The following APOL6 variants were observed in gnomAD, a reference collection of about 807,000 sequenced individuals.
APOL6 encodes apolipoprotein L, 6.
In APOL6, 1 loss-of-function variant was observed where a neutral mutation model predicts 2.4. The observed-to-expected ratio is 0.41, with a 90% CI of 0.15 to 1.94. The LOEUF is 1.94. Among genes scored for constraint, APOL6 ranks in the 30% most tolerant of loss-of-function variants. The pLI is 0.30. For missense variants in APOL6, 438 were observed against 429.2 expected, an observed-to-expected ratio of 1.02 and a Z score of -0.18; for synonymous variants, 189 against 169.3, an observed-to-expected ratio of 1.12 and a Z score of -0.90.
At position 35,668,178 on chromosome 22, in the gene APOL6, G is replaced by T. The variant is rs1270740425; in HGVS notation, c.*8582G>T. ...TCAACCAATTGCCAATCAGAAAATT[G>T]TTATATCTACCTATAATCTAGAAGC... On this transcript the variant is annotated 3_prime_UTR_variant, in exon 3 of 3. Coordinates refer to ENST00000409652, the MANE Select transcript of APOL6 (RefSeq NM_030641.4). 1 of 152,114 alleles carries T rather than the reference G, an allele frequency of 6.6e-6. No homozygotes were observed. Among genetic ancestry groups the T allele is most frequent in the Admixed American group, 6.5e-5 (1 of 15,276 alleles). The allele number at this position is 152,114 out of a possible 1,614,324, so 9.4% of individuals were successfully genotyped here.
In APOL6 at chr22:35,659,156, G is replaced by C; in HGVS notation, c.592G>C (p.Ala198Pro). The change falls in exon 3 of 3, where the codon GCC (alanine) becomes CCC (proline). Residue 198 changes from alanine (A) to proline (P), a missense_variant. Transcript: ENST00000409652. The part of the protein sequence containing the change: ...FWKLRANPRL[A>P]NATKRLLTTG... ...GAAACTCAGAGCCAACCCACGCTTG[G>C]CCAATGCTACCAAGCGTCTTCTGAC... 6.2e-7 allele frequency: 1 copy of C among 1,614,166 alleles called. No individual in the cohort carries two copies. Among genetic ancestry groups the C allele is most frequent in the Non-Finnish European group, 8.5e-7 (1 of 1,180,032 alleles).
chr22:35,649,050 T>C (rs1329022976), intron 1 of APOL6, among the ~76,000 whole-genome samples: 2 of 152,196 alleles, frequency 1.3e-5, no homozygotes, highest in East Asian at 3.8e-4. Flanking sequence ...GTGAGTTGTC[T>C]AGAAACTGCA....
intron 1 of APOL6, among the ~76,000 whole-genome samples, chr22:35,651,942 T>G (rs1253335744): frequency 6.6e-6 from 1 of 152,246 alleles, no homozygotes; most frequent in East Asian, 1.9e-4. Flanking sequence ...CAAATGGTAT[T>G]TCTAGTTCTA....
intron 1 of APOL6, among the ~76,000 whole-genome samples, chr22:35,653,156 G>A (rs950364921): frequency 1.3e-5 from 2 of 151,656 alleles, no homozygotes; most frequent in Non-Finnish European, 2.9e-5. Context: ...TCTCTTTGAA[G>A]CAATTGTGAA....
Position 35,662,462 on chromosome 22 carries a change from C to A in APOL6, c.*2866C>A, listed in dbSNP as rs891061610. 6.6e-6 allele frequency: 1 copy of A among 152,204 alleles called. No homozygotes were observed. The highest frequency in any genetic ancestry group is 2.4e-5 in the African/African-American group (1 of 41,452). 9.4% of individuals were successfully genotyped at this position (152,204 alleles called of 1,614,324 possible). A position where few individuals can be genotyped will look rare whatever the true frequency, so the allele number is the denominator to read the frequency against. ...ACTGAGATAGATACATATCTGATTG[C>A]CTCCTTTGGAAAGGCTAATCAGAAA... On this transcript the variant is annotated 3_prime_UTR_variant, in exon 3 of 3. Transcript: ENST00000409652.
rs1306975095 is a variant in APOL6, at chr22:35,666,514, A to C, written c.*6918A>C. ...GGTCTTGAACTCCTGACCTCAGGTG[A>C]TCAGCCCACCTTGGCCTCTCAAAGT... On this transcript the variant is annotated 3_prime_UTR_variant, in exon 3 of 3. Coordinates refer to ENST00000409652, the MANE Select transcript of APOL6 (RefSeq NM_030641.4). 1 of 152,172 alleles carries C rather than the reference A, an allele frequency of 6.6e-6. No individual in the cohort carries two copies. The highest frequency in any genetic ancestry group is 1.5e-5 in the Non-Finnish European group (1 of 68,070). 9.4% of individuals were successfully genotyped at this position (152,172 alleles called of 1,614,324 possible).
rs1925041015 is a variant in APOL6, at chr22:35,662,023, T to G, written c.*2427T>G. 6.6e-6 allele frequency: 1 copy of G among 152,160 alleles called. No individual in the cohort carries two copies. Among genetic ancestry groups the G allele is most frequent in the African/African-American group, 2.4e-5 (1 of 41,436 alleles). 9.4% of individuals were successfully genotyped at this position (152,160 alleles called of 1,614,324 possible). A position where few individuals can be genotyped will look rare whatever the true frequency, so the allele number is the denominator to read the frequency against. ...TGCTGTCTTGAGCAACTTTTAATTA[T>G]TCTCCTGTCCTGCAATATGAGTTAA... On this transcript the variant is annotated 3_prime_UTR_variant, in exon 3 of 3. Transcript: ENST00000409652.
chr22:35,654,811 A>C (rs1229211747), intron 1 of APOL6, among the ~76,000 whole-genome samples: 14 of 152,066 alleles, frequency 9.2e-5, no homozygotes, highest in Non-Finnish European at 2.9e-5. Flanking sequence ...GGGATTATTG[A>C]GGCGAAGGCA....
chr22:35,650,427 C>A (rs551378677), intron 1 of APOL6, among the ~76,000 whole-genome samples: 5 of 152,206 alleles, frequency 3.3e-5, no homozygotes, highest in African/African-American at 1.2e-4. Context: ...AAATGAAATG[C>A]GACATGGCTT....
intron 2 of APOL6, 131 bp downstream of exon 2, chr22:35,656,606 C>A (rs967097145): frequency 4.6e-5 from 47 of 1,012,492 alleles, no homozygotes; most frequent in Non-Finnish European, 6.8e-5. Flanking sequence ...CCGCTGGTCT[C>A]CATTATGCAT....
In APOL6 at chr22:35,661,357, C is replaced by CAAAAAAAAAAAA. The variant is rs60161381; in HGVS notation, c.*1774_*1785dup. ...TGGGTGTCAGAATGAGACCCCATCT[C>CAAAAAAAAAAAA]AAAAAAAAAAAAAAAAAAAAAAAAG... On this transcript the variant is annotated 3_prime_UTR_variant, in exon 3 of 3. Transcript: ENST00000409652. 1 of 42,574 alleles carries CAAAAAAAAAAAA rather than the reference C, an allele frequency of 2.3e-5. No individual in the cohort carries two copies. The highest frequency in any genetic ancestry group is 5.2e-5 in the Non-Finnish European group (1 of 19,240). The allele number at this position is 42,574 out of a possible 1,614,324, so 2.6% of individuals were successfully genotyped here. A position where few individuals can be genotyped will look rare whatever the true frequency, so the allele number is the denominator to read the frequency against.
Position 35,660,704 on chromosome 22 carries a change from C to G in APOL6, c.*1108C>G, listed in dbSNP as rs997682407. On this transcript the variant is annotated 3_prime_UTR_variant, in exon 3 of 3. Transcript: ENST00000409652. ...TCGTGAAGGCTCACTCTCTGCTTCA[C>G]AGATGGCACTGTCTTGCTGTGTTCT... The G allele has an allele frequency of 2.0e-5, 3 of 152,668 alleles. No individual in the cohort carries two copies. Among genetic ancestry groups the G allele is most frequent in the Non-Finnish European group, 2.9e-5 (2 of 68,066 alleles). 9.5% of individuals were successfully genotyped at this position (152,668 alleles called of 1,614,324 possible). A position where few individuals can be genotyped will look rare whatever the true frequency, so the allele number is the denominator to read the frequency against.
chr22:35,658,668 T>C lies in APOL6; in HGVS notation c.104T>C (p.Leu35Pro), dbSNP rs1024852796. The C allele has an allele frequency of 7.4e-6, 12 of 1,614,032 alleles. No homozygotes were observed. The African/African-American group carries it at 1.2e-4, about 16-fold the overall frequency. The change falls in exon 3 of 3, where the codon CTG (leucine) becomes CCG (proline). Residue 35 changes from leucine to proline, a missense_variant. By Grantham distance (98) the Leu-to-Pro change is moderately conservative. Coordinates refer to ENST00000409652, the MANE Select transcript of APOL6 (RefSeq NM_030641.4). ...GACGTGGAGCTACAAGACGGAGATC[T>C]GTCCCCCGAAGAAAAAATATTTTTG... ...CEDVELQDGDLSPEEKIFLRE... is the reference protein window; with the variant it reads ...CEDVELQDGDPSPEEKIFLRE...
intron 1 of APOL6, among the ~76,000 whole-genome samples, chr22:35,650,971 T>C (rs1296884021): frequency 4.6e-5 from 7 of 151,944 alleles, no homozygotes; most frequent in Non-Finnish European, 8.8e-5. Context: ...AGAATTTGTG[T>C]CCCTTCAGAG....
rs1269360560 is a variant in APOL6 at position 35,661,278 on chromosome 22, A to C, written c.*1682A>C. The C allele has an allele frequency of 6.6e-6, 1 of 150,586 alleles. No individual in the cohort carries two copies. Among genetic ancestry groups the C allele is most frequent in the Non-Finnish European group, 1.5e-5 (1 of 67,888 alleles). 9.3% of individuals were successfully genotyped at this position (150,586 alleles called of 1,614,324 possible). A position where few individuals can be genotyped will look rare whatever the true frequency, so the allele number is the denominator to read the frequency against. The stretch of plus-strand genomic sequence containing the variant: ...GAGGCTGAGGCAGGAGAATCGCTTG[A>C]ACCCAGGCTGTAAAGGTTGCAGTGA... On this transcript the variant is annotated 3_prime_UTR_variant, in exon 3 of 3. Coordinates refer to ENST00000409652, the MANE Select transcript of APOL6 (RefSeq NM_030641.4).
intron 1 of APOL6, among the ~76,000 whole-genome samples, chr22:35,649,106 G>A (rs1292962447): frequency 6.6e-6 from 1 of 152,154 alleles, no homozygotes; most frequent in African/African-American, 2.4e-5. Flanking sequence ...ATGTGAAGTT[G>A]TTTGGGGAAG....
chr22:35,654,542 A>G (rs2010168), intron 1 of APOL6, among the ~76,000 whole-genome samples: 1 of 127,484 alleles, frequency 7.8e-6, no homozygotes, highest in Non-Finnish European at 1.6e-5. Context: ...CTCTCTCTCT[A>G]TATATATATA....
chr22:35,656,434 C>G lies in APOL6; in HGVS notation c.9C>G (p.Asn3Lys), dbSNP rs200976901. The G allele has an allele frequency of 8.7e-6, 14 of 1,614,070 alleles. No individual in the cohort carries two copies. In the East Asian group the frequency reaches 2.9e-4, roughly 33 times the overall value. The change falls in exon 2 of 3, where the codon AAC becomes AAG. Residue 3 changes from asparagine (N) to lysine (K), a missense_variant. By Grantham distance (94) the Asn-to-Lys change is moderately conservative (BLOSUM62 0). Coordinates refer to ENST00000409652, the MANE Select transcript of APOL6 (RefSeq NM_030641.4). MD[N>K]QAERESEAGV... ...TGCTGCCACAGAGGCTGATGGACAA[C>G]CAGGCGGAGAGAGAAAGTGAGGCTG...
intron 2 of APOL6, among the ~76,000 whole-genome samples, chr22:35,656,860 T>A (rs1011525356): frequency 6.6e-6 from 1 of 152,212 alleles, no homozygotes; most frequent in African/African-American, 2.4e-5. Flanking sequence ...TTAAGCCCAG[T>A]TGTCTGTAAA....
Sources: allele counts gnomAD v4.1 joint callset (sites outside exome capture counted in the v4.1 genomes callset), GRCh38; gene constraint gnomAD v4.1.1; transcripts MANE v1.5; gene names NCBI Gene and HGNC (gene_info 2026-07-23, HGNC 2026-07-21).